Variants in RHOQ observed in about 807,000 individuals in gnomAD.
RHOQ encodes the protein rho-related GTP-binding protein RhoQ.
In RHOQ, 7 loss-of-function variants were observed where a neutral mutation model predicts 25.8. That is an observed-to-expected ratio of 0.27 (90% CI 0.15 to 0.51). The LOEUF is 0.51. RHOQ is among the 20% of genes least tolerant of loss of function. RHOQ has a pLI of 0.97. For missense variants in RHOQ, 165 were observed against 260.6 expected (o/e 0.63, Z 2.53); for synonymous variants, 97 against 98.6 (o/e 0.98, Z 0.10).
intron 2 of RHOQ, among the ~76,000 whole-genome samples, chr2:46,567,664 T>A (rs1668776681): frequency 6.6e-6 from 1 of 152,104 alleles, no homozygotes; most frequent in Non-Finnish European, 1.5e-5. Context: ...AGTGCTGTGA[T>A]TACAGGCATA....
intron 2 of RHOQ, 121 bp downstream of exon 2, chr2:46,543,933 G>C (rs538250760): frequency 2.7e-6 from 2 of 744,306 alleles, no homozygotes; most frequent in Non-Finnish European, 4.5e-6. Context: ...GGCTTCCCCT[G>C]GATTAGGTCT....
At chr2:46,558,741 A>G (rs1290191091) in intron 2 of RHOQ, among the ~76,000 whole-genome samples, 1 of 152,098 alleles carries the variant, frequency 6.6e-6, no homozygotes, top group Non-Finnish European at 1.5e-5. Flanking sequence ...TGGAACTTCC[A>G]CTATTCAGAT....
At chr2:46,549,332 C>T (rs909513225) in intron 2 of RHOQ, among the ~76,000 whole-genome samples, 35 of 152,216 alleles carry the variant, frequency 2.3e-4, no homozygotes, top group Admixed American at 1.8e-3. Context: ...GCTTTAAGCC[C>T]CTCGGGGTCA....
chr2:46,561,156 C>T (rs1225686726), intron 2 of RHOQ, among the ~76,000 whole-genome samples: 1 of 150,682 alleles, frequency 6.6e-6, no homozygotes, highest in African/African-American at 2.4e-5. Flanking sequence ...ATATATACAC[C>T]TTTGATATAT....
At chr2:46,577,035 CTT>C (rs1420994167) in intron 4 of RHOQ, 1 of 163,956 alleles carries the variant, frequency 6.1e-6, no homozygotes, top group East Asian at 1.8e-4. Context: ...TTCTTCATTA[CTT>C]AAACAGTTGC....
In RHOQ at chr2:46,576,434, G is replaced by C; in HGVS notation, c.367-127G>C. On this transcript the variant is annotated intron_variant, in intron 3 of 4. Coordinates refer to ENST00000238738, the MANE Select transcript of RHOQ (RefSeq NM_012249.4). This position sits in a 1 kb window ranked among gnomAD's most constrained non-coding sequence, Gnocchi z 5.1. ...CCAAAAGAAAGCAATTATTTTCCTG[G>C]TTTTTAAAAATTAAGTTCTTTTGTT... is the stretch of plus-strand genomic sequence containing the variant. 1 of 903,976 alleles carries C rather than the reference G, an allele frequency of 1.1e-6. No homozygotes were observed. Among genetic ancestry groups the C allele is most frequent in the Non-Finnish European group, 1.7e-6 (1 of 599,650 alleles). 56.0% of individuals were successfully genotyped at this position (903,976 alleles called of 1,614,324 possible).
chr2:46,581,747 A>G lies in RHOQ; in HGVS notation c.*664A>G, dbSNP rs1002200899. ...CATAACTGCATTTATCATGAACACT[A>G]AAAATGTACACATTTTAGTTAATGT... On this transcript the variant is annotated 3_prime_UTR_variant, in exon 5 of 5. Coordinates refer to ENST00000238738, the MANE Select transcript of RHOQ (RefSeq NM_012249.4). 5 of 1,068,546 alleles carry G rather than the reference A, an allele frequency of 4.7e-6. No homozygotes were observed. The African/African-American group carries it at 6.5e-5, about 14-fold the overall frequency. The allele number at this position is 1,068,546 out of a possible 1,614,324, so 66.2% of individuals were successfully genotyped here. A position where few individuals can be genotyped will look rare whatever the true frequency, so the allele number is the denominator to read the frequency against.
rs1572728338 is a variant in RHOQ, at chr2:46,542,565, A to C, written c.-482A>C. On this transcript the variant is annotated 5_prime_UTR_variant, in exon 1 of 5. Transcript: ENST00000238738. ...TGCGCCGGCAGGGCCGCGCGGCGGC[A>C]GCAGGCGGGGGCGCGTGGCGCGGGC... 6.8e-6 allele frequency: 1 copy of C among 147,438 alleles called. No homozygotes were observed. The highest frequency in any genetic ancestry group is 1.5e-5 in the Non-Finnish European group (1 of 66,436). 9.1% of individuals were successfully genotyped at this position (147,438 alleles called of 1,614,324 possible). A position where few individuals can be genotyped will look rare whatever the true frequency, so the allele number is the denominator to read the frequency against.
In RHOQ at chr2:46,576,256, G is replaced by A. The variant is rs1396460099; in HGVS notation, c.366+5G>A. 6.2e-7 allele frequency: 1 copy of A among 1,603,918 alleles called. No individual in the cohort carries two copies. Among genetic ancestry groups the A allele is most frequent in the Non-Finnish European group, 8.5e-7 (1 of 1,175,634 alleles). ...TTTTTATTAATAGGAACTCAGGTAT[G>A]TCTGGTTTGATTTTCTGCATTTTAG... is the stretch of plus-strand genomic sequence containing the variant. On this transcript the variant is annotated splice_donor_5th_base_variant and intron_variant, in intron 3 of 4. Coordinates refer to ENST00000238738, the MANE Select transcript of RHOQ (RefSeq NM_012249.4). This position sits in a 1 kb window ranked among gnomAD's most constrained non-coding sequence, Gnocchi z 5.1.
At chr2:46,560,572 T>G (rs766656688) in intron 2 of RHOQ, 3 of 456,238 alleles carry the variant, frequency 6.6e-6, no homozygotes, top group African/African-American at 4.0e-5. Context: ...TTCTGTTTCA[T>G]CTGGATCCTG....
rs1667886271 is a variant in RHOQ at position 46,543,133 on chromosome 2, T to G, written c.87T>G (p.Tyr29Ter). 6.2e-7 allele frequency: 1 copy of G among 1,612,040 alleles called. No homozygotes were observed. Among genetic ancestry groups the G allele is most frequent in the Admixed American group, 1.7e-5 (1 of 59,972 alleles). ...GCAAGACGTGCCTACTCATGAGCTA[T>G]GCCAACGACGCCTTCCCGGAGGAGT... ...AVGKTCLLMSYANDAFPEEYV... is the reference protein window; with the variant it reads ...AVGKTCLLMS Residue 29 changes from tyrosine (Y) to a stop codon, truncating the protein, a stop_gained, in exon 1 of 5, where the codon TAT (tyrosine) becomes TAG (stop). Transcript: ENST00000238738. LOFTEE classifies it high-confidence loss of function.
intron 2 of RHOQ, among the ~76,000 whole-genome samples, chr2:46,551,473 G>GA (rs1433253211): frequency 6.6e-6 from 1 of 152,130 alleles, no homozygotes; most frequent in Non-Finnish European, 1.5e-5. Context: ...AGGAACGGCA[G>GA]AGGGGGTGAC....
intron 2 of RHOQ, chr2:46,560,659 C>G: frequency 2.2e-6 from 1 of 455,862 alleles, no homozygotes; most frequent in Non-Finnish European, 4.4e-6. Flanking sequence ...TCCACTAGCT[C>G]CAGCATCCGC....
At chr2:46,543,660 G>A (rs1667925975) in intron 1 of RHOQ, 94 bp from the exon 2 acceptor site, 1 of 1,097,622 alleles carries the variant, frequency 9.1e-7, no homozygotes, top group South Asian at 1.3e-5. Context: ...CCTCTAGCTG[G>A]GTTGGGAGAG....
intron 2 of RHOQ, among the ~76,000 whole-genome samples, chr2:46,547,360 C>G (rs1033945911): frequency 2.0e-5 from 3 of 152,260 alleles, no homozygotes; most frequent in African/African-American, 7.2e-5. Flanking sequence ...ATCTACCAGT[C>G]AAAGGGTGAT....
intron 1 of RHOQ, 196 bp downstream of exon 1, chr2:46,543,384 C>A: frequency 1.6e-6 from 1 of 622,136 alleles, no homozygotes. Context: ...CCCCCTCTCC[C>A]ACCCGCCCCC....
At chr2:46,573,390 C>A (rs940037801) in intron 2 of RHOQ, among the ~76,000 whole-genome samples, 5 of 152,182 alleles carry the variant, frequency 3.3e-5, no homozygotes, top group Non-Finnish European at 5.9e-5. Context: ...CCAGAGATGA[C>A]AGGCAGAAGG....
At chr2:46,562,747 A>G (rs796685956) in intron 2 of RHOQ, among the ~76,000 whole-genome samples, 1 of 152,146 alleles carries the variant, frequency 6.6e-6, no homozygotes, top group South Asian at 2.1e-4. Flanking sequence ...TATTTGAGAT[A>G]TATCAGTTTA....
chr2:46,576,320 C>T lies in RHOQ; in HGVS notation c.366+69C>T, dbSNP rs965153939. The T allele has an allele frequency of 4.7e-6, 6 of 1,273,868 alleles. No individual in the cohort carries two copies. The highest frequency in any genetic ancestry group is 6.6e-6 in the Non-Finnish European group (6 of 903,136). 78.9% of individuals were successfully genotyped at this position (1,273,868 alleles called of 1,614,324 possible). On this transcript the variant is annotated intron_variant, in intron 3 of 4. Coordinates refer to ENST00000238738, the MANE Select transcript of RHOQ (RefSeq NM_012249.4). The surrounding 1 kb of genome is among the most constrained non-coding windows in gnomAD (Gnocchi z 5.1). ...GTCTGTCGTAGAGGCTGCTCTCAGA[C>T]AAACAGTCCCAAAGCTGAGCAAATG...
Sources: allele counts gnomAD v4.1 joint callset (sites outside exome capture counted in the v4.1 genomes callset), GRCh38; gene constraint gnomAD v4.1.1; non-coding constraint Gnocchi (gnomAD v3.1); transcripts MANE v1.5; gene names NCBI Gene and HGNC (gene_info 2026-07-23, HGNC 2026-07-21).